The following FSTL5 variants were observed in gnomAD, a reference collection of about 807,000 sequenced individuals.
FSTL5 encodes the protein follistatin-related protein 5.
In FSTL5, 62 loss-of-function variants were observed where a neutral mutation model predicts 89.1. The observed-to-expected ratio is 0.70, with a 90% CI of 0.57 to 0.86. FSTL5 has a LOEUF of 0.86. Among genes scored for constraint, FSTL5 ranks in the 40% least tolerant of loss-of-function variants. The pLI, the probability that FSTL5 is intolerant of heterozygous loss-of-function variation, is 0.00. For synonymous variants in FSTL5, 383 were observed against 346.2 expected (o/e 1.11, Z -1.18); for missense variants, 1,057 against 1,001.6 (o/e 1.06, Z -0.75).
chr4:161,718,755 G>A (rs560235116), intron 6 of FSTL5, among the ~76,000 whole-genome samples: 87 of 152,050 alleles, frequency 5.7e-4, no homozygotes, highest in Non-Finnish European at 1.2e-3. Flanking sequence ...TATAAACTAT[G>A]GAGCTTCACT....
Position 161,913,164 on chromosome 4 carries a change from G to A in FSTL5, c.409+7240C>T, listed in dbSNP as rs555848961. Among the ~76,000 whole-genome samples, 4 of 152,276 alleles carry A rather than the reference G, an allele frequency of 2.6e-5. No homozygotes were observed. The South Asian group carries it at 8.3e-4, about 32-fold the overall frequency. On this transcript the variant is annotated intron_variant, in intron 4 of 15. Transcript: ENST00000306100. Reference sequence around the variant, plus strand: ...CAGTAGAAAAGAAAAGCACATTTTTGAGGAGAAATTCAAAGCGGCTACAGG... The same window carrying A: ...CAGTAGAAAAGAAAAGCACATTTTTAAGGAGAAATTCAAAGCGGCTACAGG...
intron 4 of FSTL5, among the ~76,000 whole-genome samples, chr4:161,839,948 T>C (rs1393997025): frequency 6.6e-6 from 1 of 152,138 alleles, no homozygotes; most frequent in Admixed American, 6.6e-5. Context: ...AAGAAAAGCA[T>C]TGAGCAAAGG....
At chr4:161,443,950 A>G (rs912276142) in intron 15 of FSTL5, among the ~76,000 whole-genome samples, 1 of 151,984 alleles carries the variant, frequency 6.6e-6, no homozygotes, top group Non-Finnish European at 1.5e-5. Flanking sequence ...TCTATAAGCA[A>G]CAAGAAAAAA....
At chr4:162,001,993 AT>A (rs530932361) in intron 3 of FSTL5, among the ~76,000 whole-genome samples, 3 of 151,736 alleles carry the variant, frequency 2.0e-5, no homozygotes, top group African/African-American at 4.8e-5. Flanking sequence ...TACTTTTTTT[AT>A]TTTTTTTAAG....
At chr4:161,975,426 A>C (rs1735606265) in intron 3 of FSTL5, among the ~76,000 whole-genome samples, 1 of 151,686 alleles carries the variant, frequency 6.6e-6, no homozygotes, top group South Asian at 2.1e-4. Flanking sequence ...TGCAGCCATA[A>C]AAAATGATGA....
chr4:161,798,059 C>G (rs934133666), intron 4 of FSTL5, among the ~76,000 whole-genome samples: 2 of 151,552 alleles, frequency 1.3e-5, no homozygotes, highest in African/African-American at 2.4e-5. Context: ...AATATATTAA[C>G]CTATATAATA....
intron 3 of FSTL5, among the ~76,000 whole-genome samples, chr4:161,969,907 T>C (rs969981582): frequency 6.6e-6 from 1 of 152,042 alleles, no homozygotes; most frequent in African/African-American, 2.4e-5. Flanking sequence ...ATATGGTGTA[T>C]GTTTGAAAAA....
At chr4:161,523,673 G>A (rs959480854) in intron 10 of FSTL5, among the ~76,000 whole-genome samples, 1 of 152,062 alleles carries the variant, frequency 6.6e-6, no homozygotes, top group African/African-American at 2.4e-5. Flanking sequence ...CCAGCAGCAT[G>A]GTGAAGTGAG....
chr4:161,926,433 G>C (rs1325951043), intron 3 of FSTL5, among the ~76,000 whole-genome samples: 2 of 147,740 alleles, frequency 1.4e-5, no homozygotes, highest in Non-Finnish European at 3.0e-5. Flanking sequence ...TTTTACAAGA[G>C]GCCGTATGAA....
intron 15 of FSTL5, among the ~76,000 whole-genome samples, chr4:161,392,068 G>A (rs894937971): frequency 6.6e-6 from 1 of 151,798 alleles, no homozygotes; most frequent in Non-Finnish European, 1.5e-5. Flanking sequence ...TGATATGTAG[G>A]GACTCTAATT....
chr4:162,033,577 T>G, intron 3 of FSTL5, 48 bp downstream of exon 3: 1 of 980,076 alleles, frequency 1.0e-6, no homozygotes, highest in Non-Finnish European at 1.5e-6. Context: ...CTTTTTTCTT[T>G]CTGTTATGAA....
chr4:161,800,201 G>A (rs990120768), intron 4 of FSTL5, among the ~76,000 whole-genome samples: 12 of 151,656 alleles, frequency 7.9e-5, no homozygotes, highest in African/African-American at 2.9e-4. Flanking sequence ...TTCCATAAGT[G>A]GCTAGAAAGA....
chr4:161,719,433 C>T (rs6536609), intron 6 of FSTL5, among the ~76,000 whole-genome samples: 150,780 of 152,298 alleles, frequency 0.99, 74,665 homozygotes, highest in Middle Eastern at 1. Context: ...TTAGGACTTA[C>T]GATACTTCCA....
At chr4:161,437,288 A>C (rs552760699) in intron 15 of FSTL5, among the ~76,000 whole-genome samples, 33 of 152,070 alleles carry the variant, frequency 2.2e-4, no homozygotes, top group African/African-American at 6.7e-4. Context: ...AACAACGGGC[A>C]GGGCGCAGTG....
At chr4:161,918,083 A>G (rs1362796833) in intron 4 of FSTL5, among the ~76,000 whole-genome samples, 2 of 152,174 alleles carry the variant, frequency 1.3e-5, no homozygotes, top group Non-Finnish European at 2.9e-5. Flanking sequence ...AGCAAGTAAT[A>G]TAACTTGCTG....
At chr4:161,939,172 A>C (rs775866664) in intron 3 of FSTL5, among the ~76,000 whole-genome samples, 1 of 151,940 alleles carries the variant, frequency 6.6e-6, no homozygotes, top group Non-Finnish European at 1.5e-5. Context: ...TATTTTCTAT[A>C]TTGGCAAGCA....
chr4:161,834,696 T>C (rs1730974030), intron 4 of FSTL5, among the ~76,000 whole-genome samples: 1 of 152,110 alleles, frequency 6.6e-6, no homozygotes, highest in Non-Finnish European at 1.5e-5. Flanking sequence ...TGAACTCCCA[T>C]TCACAATTGC....
At chr4:161,484,944 A>T (rs1729629368) in intron 12 of FSTL5, among the ~76,000 whole-genome samples, 2 of 152,180 alleles carry the variant, frequency 1.3e-5, no homozygotes, top group East Asian at 1.9e-4. Context: ...CTAATTTGAT[A>T]TGATCCAGAA....
intron 4 of FSTL5, among the ~76,000 whole-genome samples, chr4:161,806,739 A>C (rs1462526944): frequency 6.6e-6 from 1 of 152,152 alleles, no homozygotes; most frequent in Non-Finnish European, 1.5e-5. Flanking sequence ...ATTGTTAAGA[A>C]ATTAAAATAT....
Sources: gnomAD v4.1 joint callset for allele counts (sites outside exome capture counted in the v4.1 genomes callset) on GRCh38, gnomAD v4.1.1 for gene constraint, MANE v1.5 for transcripts, NCBI Gene and HGNC (gene_info 2026-07-23, HGNC 2026-07-21) for gene names.